The following DHX15 variants were observed in gnomAD, a reference collection of about 807,000 sequenced individuals.
DHX15 encodes the protein DEAH-box helicase 15.
DHX15 carries 11 observed loss-of-function variants against 94.4 expected under a neutral mutation model. That is an observed-to-expected ratio of 0.12 (90% CI 0.07 to 0.19). The LOEUF (loss-of-function observed/expected upper bound fraction) is 0.19, where lower values mean the gene tolerates loss of function less well. Among genes scored for constraint, DHX15 ranks in the 10% least tolerant of loss-of-function variants. The probability of loss-of-function intolerance (pLI) is 1.00; values close to 1 mark genes in which losing one functional copy is unlikely to be tolerated. For synonymous variants in DHX15, 338 were observed against 329.9 expected, an observed-to-expected ratio of 1.02 and a Z score of -0.27; for missense variants, 304 against 988.5, an observed-to-expected ratio of 0.31 and a Z score of 9.29.
At position 24,554,790 on chromosome 4, in the gene DHX15, C is replaced by G; in HGVS notation, c.1015G>C (p.Val339Leu). ...TCTTCACACATATGAATCTGGATAACTGTTCGAATTGCTGCTTCAAGATAA... is the reference window on the plus strand; with the variant it reads ...TCTTCACACATATGAATCTGGATAAGTGTTCGAATTGCTGCTTCAAGATAA... ...RDYLEAAIRTVIQIHMCEEEE... is the reference protein window; with the variant it reads ...RDYLEAAIRTLIQIHMCEEEE... The change falls in exon 5 of 14, where the codon GTT becomes CTT. Residue 339 changes from valine to leucine, a missense_variant. Val to Leu is a conservative substitution (Grantham distance 32, BLOSUM62 1). Coordinates refer to ENST00000336812, the MANE Select transcript of DHX15 (RefSeq NM_001358.3). The G allele has an allele frequency of 6.2e-7, 1 of 1,613,772 alleles. No individual in the cohort carries two copies. The highest frequency in any genetic ancestry group is 8.5e-7 in the Non-Finnish European group (1 of 1,179,888).
intron 3 of DHX15, among the ~76,000 whole-genome samples, chr4:24,565,709 A>T (rs142546546): frequency 6.6e-6 from 1 of 152,310 alleles, no homozygotes; most frequent in East Asian, 1.9e-4. Flanking sequence ...AACTGGGTTA[A>T]CTGGTTAAAA....
At position 24,584,485 on chromosome 4, in the gene DHX15, C is replaced by T; in HGVS notation, c.-92G>A. The stretch of plus-strand genomic sequence containing the variant: ...ACAGCCACTTAACTCTGGAGGACCC[C>T]CACCCCTCCCGCTACTACAGCCCAC... On this transcript the variant is annotated 5_prime_UTR_variant, in exon 1 of 14. Transcript: ENST00000336812. 1.6e-6 allele frequency: 2 copies of T among 1,234,108 alleles called. No individual in the cohort carries two copies. Among genetic ancestry groups the T allele is most frequent in the Non-Finnish European group, 2.3e-6 (2 of 881,728 alleles). 76.4% of individuals were successfully genotyped at this position (1,234,108 alleles called of 1,614,324 possible). A position where few individuals can be genotyped will look rare whatever the true frequency, so the allele number is the denominator to read the frequency against.
chr4:24,532,000 C>T (rs114863820), intron 12 of DHX15, among the ~76,000 whole-genome samples: 1,629 of 152,208 alleles, frequency 0.011, 5 homozygotes, highest in Non-Finnish European at 0.016. Flanking sequence ...TAAGGGTAAG[C>T]CACATCGTGC....
chr4:24,554,327 A>C (rs1242375986), intron 5 of DHX15, among the ~76,000 whole-genome samples: 1 of 152,234 alleles, frequency 6.6e-6, no homozygotes, highest in Non-Finnish European at 1.5e-5. Flanking sequence ...GGGAAGACAA[A>C]ACCAAACTGA....
intron 3 of DHX15, among the ~76,000 whole-genome samples, chr4:24,568,436 A>C (rs1450677594): frequency 6.6e-6 from 1 of 152,214 alleles, no homozygotes; most frequent in Non-Finnish European, 1.5e-5. Context: ...ACCCTGTCTT[A>C]AGTAAGCTTT....
At chr4:24,577,355 C>T (rs925580660) in intron 1 of DHX15, among the ~76,000 whole-genome samples, 1 of 152,158 alleles carries the variant, frequency 6.6e-6, no homozygotes. Flanking sequence ...CTTAGTTATA[C>T]TTTCCAGCAC....
At chr4:24,540,384 T>G (rs1721284501) in intron 9 of DHX15, 85 bp from the exon 10 acceptor site, 3 of 1,205,182 alleles carry the variant, frequency 2.5e-6, no homozygotes, top group Non-Finnish European at 3.4e-6. Flanking sequence ...AGCAATCTCA[T>G]TTTTCATTTT....
Position 24,533,059 on chromosome 4 carries a change from A to C in DHX15, c.1910-5T>G. The C allele has an allele frequency of 6.2e-7, 1 of 1,613,572 alleles. No individual in the cohort carries two copies. The highest frequency in any genetic ancestry group is 2.2e-5 in the East Asian group (1 of 44,876). On this transcript the variant is annotated splice_polypyrimidine_tract_variant and splice_region_variant and intron_variant, in intron 11 of 13. Transcript: ENST00000336812. ...ACCACTGAACCGATTCATGATCTAA[A>C]AAGGTAGAAGGCGGGGAGAAAAGAA...
At position 24,543,012 on chromosome 4, in the gene DHX15, A is replaced by G; in HGVS notation, c.1263T>C (p.Thr421=). The G allele has an allele frequency of 1.2e-6, 2 of 1,611,072 alleles. No homozygotes were observed. The highest frequency in any genetic ancestry group is 1.3e-5 in the African/African-American group (1 of 74,976). Reference sequence around the variant, plus strand: ...TTGTCAAAGACGTCTCTGCTATGTTAGTTGACACAACTACCTGTTAAGAAA... The same window carrying G: ...TTGTCAAAGACGTCTCTGCTATGTTGGTTGACACAACTACCTGTTAAGAAA... ...GAIGRKVVVS[T]NIAETSLTID... The change falls in exon 7 of 14, where the codon ACT becomes ACC. Residue 421 remains threonine, a synonymous_variant. Transcript: ENST00000336812.
At chr4:24,533,657 T>C (rs1721136212) in intron 11 of DHX15, 1 of 153,686 alleles carries the variant, frequency 6.5e-6, no homozygotes, top group Admixed American at 6.4e-5. Flanking sequence ...TTACATGTAT[T>C]ATCAAAAGGA....
chr4:24,540,366 C>G (rs1721284257), intron 9 of DHX15, 67 bp from the exon 10 acceptor site: 58 of 1,279,042 alleles, frequency 4.5e-5, no homozygotes, highest in South Asian at 1.2e-4. Flanking sequence ...AAAGTACAAA[C>G]TATTATAAGC....
intron 8 of DHX15, 56 bp from the exon 9 acceptor site, chr4:24,541,004 T>C: frequency 8.7e-7 from 1 of 1,143,392 alleles, no homozygotes; most frequent in Non-Finnish European, 1.3e-6. Flanking sequence ...AGTCTCCTCG[T>C]TCCAGAAAAC....
At chr4:24,560,953 G>GA (rs1201711052) in intron 3 of DHX15, among the ~76,000 whole-genome samples, 1 of 152,192 alleles carries the variant, frequency 6.6e-6, no homozygotes, top group Admixed American at 6.5e-5. Context: ...CAAGGGTAAA[G>GA]AAACAGATGC....
intron 2 of DHX15, among the ~76,000 whole-genome samples, chr4:24,574,421 A>C (rs1257532508): frequency 6.6e-6 from 1 of 152,072 alleles, no homozygotes; most frequent in Non-Finnish European, 1.5e-5. Context: ...CTCAGTATCC[A>C]AGTATCTTAA....
intron 1 of DHX15, among the ~76,000 whole-genome samples, chr4:24,581,994 G>A (rs1722426869): frequency 6.6e-6 from 1 of 152,064 alleles, no homozygotes; most frequent in South Asian, 2.1e-4. Context: ...TCTCAGTACT[G>A]CAGAAACCCT....
chr4:24,548,668 T>A (rs1212420095), intron 6 of DHX15, among the ~76,000 whole-genome samples, 187 bp downstream of exon 6: 3 of 152,238 alleles, frequency 2.0e-5, no homozygotes, highest in Non-Finnish European at 4.4e-5. Context: ...AGGCACTACC[T>A]AGAAGAAGCA....
chr4:24,550,535 T>G (rs973464333), intron 5 of DHX15, among the ~76,000 whole-genome samples: 1 of 152,150 alleles, frequency 6.6e-6, no homozygotes, highest in African/African-American at 2.4e-5. Context: ...ACTTTTTGGT[T>G]AAAAGACACA....
chr4:24,546,811 T>C lies in DHX15; in HGVS notation c.1248+2044A>G, dbSNP rs78399980. 3.9e-3 allele frequency among the ~76,000 whole-genome samples: 599 copies of C among 152,310 alleles called. 4 individuals carry two copies. The highest frequency in any genetic ancestry group is 0.013 in the African/African-American group (559 of 41,566). ...AGAATCACAATTAATTTGATGGAAATTAAAATTTGTATTAAGTATTATATT... is the reference window on the plus strand; with the variant it reads ...AGAATCACAATTAATTTGATGGAAACTAAAATTTGTATTAAGTATTATATT... On this transcript the variant is annotated intron_variant, in intron 6 of 13. Coordinates refer to ENST00000336812, the MANE Select transcript of DHX15 (RefSeq NM_001358.3).
intron 3 of DHX15, among the ~76,000 whole-genome samples, chr4:24,560,293 C>T (rs1577344195): frequency 6.6e-6 from 1 of 151,904 alleles, no homozygotes; most frequent in East Asian, 1.9e-4. Context: ...GGCAAAAAAT[C>T]ATTTTTATAA....
Sources: allele counts gnomAD v4.1 joint callset (sites outside exome capture counted in the v4.1 genomes callset), GRCh38; gene constraint gnomAD v4.1.1; transcripts MANE v1.5; gene names NCBI Gene and HGNC (gene_info 2026-07-23, HGNC 2026-07-21).